CCSER1: variants seen among roughly 807,000 people sequenced by gnomAD.
CCSER1 encodes serine-rich coiled-coil domain-containing protein 1.
Under a neutral mutation model 82.0 loss-of-function variants are expected in CCSER1, and 41 were observed. That is an observed-to-expected ratio of 0.50 (90% CI 0.39 to 0.65). The LOEUF is 0.65. CCSER1 is among the 30% of genes least tolerant of loss of function. The probability of loss-of-function intolerance (pLI) is 0.00; values close to 1 mark genes in which losing one functional copy is unlikely to be tolerated. For missense variants in CCSER1, 1,119 were observed against 1,064.2 expected (o/e 1.05, Z -0.72); for synonymous variants, 414 against 383.9 (o/e 1.08, Z -0.92).
intron 4 of CCSER1, among the ~76,000 whole-genome samples, chr4:90,432,554 T>TCTTC (rs139113507): frequency 5.3e-5 from 8 of 151,488 alleles, no homozygotes; most frequent in Non-Finnish European, 8.8e-5. Flanking sequence ...CTCCCTCCCT[T>TCTTC]CTTCCTTCCT....
intron 5 of CCSER1, among the ~76,000 whole-genome samples, chr4:90,536,010 T>G (rs1775283704): frequency 6.6e-6 from 1 of 151,132 alleles, no homozygotes; most frequent in African/African-American, 2.4e-5. Flanking sequence ...TTGACACTAA[T>G]ATTTCTTTTT....
chr4:91,095,341 A>G (rs996458569), intron 10 of CCSER1, among the ~76,000 whole-genome samples: 8 of 152,026 alleles, frequency 5.3e-5, no homozygotes, highest in African/African-American at 1.9e-4. Flanking sequence ...TGCACATGTG[A>G]GTGATTGGAC....
chr4:91,433,446 C>T (rs1431999140), intron 10 of CCSER1, among the ~76,000 whole-genome samples: 1 of 152,150 alleles, frequency 6.6e-6, no homozygotes, highest in African/African-American at 2.4e-5. Context: ...TTCACTGACT[C>T]GCCCAAGGCA....
intron 1 of CCSER1, among the ~76,000 whole-genome samples, chr4:90,281,327 G>A (rs573929513): frequency 6.6e-6 from 1 of 152,030 alleles, no homozygotes; most frequent in African/African-American, 2.4e-5. Flanking sequence ...TTTTCGTAGG[G>A]ACAGGGTTTT....
At chr4:91,094,937 C>T (rs1167739471) in intron 10 of CCSER1, among the ~76,000 whole-genome samples, 2 of 152,130 alleles carry the variant, frequency 1.3e-5, no homozygotes, top group Non-Finnish European at 2.9e-5. Context: ...AAGGGGCAAT[C>T]AGGTATATAC....
At chr4:91,399,455 A>T (rs906380360) in intron 10 of CCSER1, among the ~76,000 whole-genome samples, 1 of 152,018 alleles carries the variant, frequency 6.6e-6, no homozygotes, top group Non-Finnish European at 1.5e-5. Context: ...CCTATAAAAC[A>T]CTTCAATTTT....
intron 7 of CCSER1, chr4:90,781,183 A>G: frequency 8.6e-6 from 7 of 810,104 alleles, no homozygotes; most frequent in Non-Finnish European, 1.0e-5. Context: ...AGCACTGGGG[A>G]TCACAACTCG....
chr4:90,319,562 G>C (rs577353072), intron 3 of CCSER1, among the ~76,000 whole-genome samples: 1 of 152,222 alleles, frequency 6.6e-6, no homozygotes, highest in South Asian at 2.1e-4. Context: ...GAGGCAAGGA[G>C]AATCCCTTGA....
intron 6 of CCSER1, among the ~76,000 whole-genome samples, chr4:90,697,261 C>T (rs1334232527): frequency 6.6e-6 from 1 of 152,110 alleles, no homozygotes; most frequent in Non-Finnish European, 1.5e-5. Context: ...TTTAATAGAG[C>T]ACGTCAGATT....
intron 4 of CCSER1, among the ~76,000 whole-genome samples, chr4:90,456,242 C>G (rs1218899020): frequency 1.3e-5 from 2 of 152,188 alleles, no homozygotes; most frequent in Admixed American, 6.5e-5. Context: ...AGAAAACTCT[C>G]AATTGTTACA....
intron 8 of CCSER1, among the ~76,000 whole-genome samples, chr4:90,913,215 A>G (rs1202413849): frequency 6.6e-6 from 1 of 152,132 alleles, no homozygotes; most frequent in Admixed American, 6.6e-5. Flanking sequence ...GAAGGAAAAA[A>G]TGTTGATGTT....
chr4:90,399,519 T>C (rs559949828), intron 3 of CCSER1, among the ~76,000 whole-genome samples: 2 of 152,228 alleles, frequency 1.3e-5, no homozygotes, highest in South Asian at 4.1e-4. Flanking sequence ...AAACAATTCA[T>C]TAAATGTGTT....
intron 9 of CCSER1, among the ~76,000 whole-genome samples, chr4:90,996,127 A>G (rs1051004179): frequency 6.6e-5 from 10 of 152,146 alleles, no homozygotes; most frequent in Non-Finnish European, 1.3e-4. Context: ...TTTCATCTGT[A>G]TATACTGTTT....
intron 9 of CCSER1, among the ~76,000 whole-genome samples, chr4:90,957,557 T>TAATATTATATAATTATATTATATA (rs58731204): frequency 1.2e-3 from 155 of 131,866 alleles, no homozygotes; most frequent in African/African-American, 2.4e-3. Flanking sequence ...TTATATTATA[T>TAATATTATATAATTATATTATATA]ATATTATATA....
intron 10 of CCSER1, among the ~76,000 whole-genome samples, chr4:91,204,439 G>A (rs145927064): frequency 1.3e-4 from 20 of 151,868 alleles, no homozygotes; most frequent in African/African-American, 4.8e-4. Context: ...TCATTTTGAT[G>A]TGCTACTTTG....
intron 3 of CCSER1, among the ~76,000 whole-genome samples, chr4:90,324,874 C>G (rs567486208): frequency 2.0e-5 from 3 of 152,270 alleles, no homozygotes; most frequent in Non-Finnish European, 2.9e-5. Flanking sequence ...GATCCAGTTT[C>G]AGCTTTCTAC....
At chr4:91,297,084 A>G (rs1320605383) in intron 10 of CCSER1, among the ~76,000 whole-genome samples, 4 of 151,740 alleles carry the variant, frequency 2.6e-5, no homozygotes, top group Admixed American at 6.6e-5. Context: ...AAAGAATGTA[A>G]AGGAATGTTC....
At chr4:90,945,372 T>C (rs1732112434) in intron 9 of CCSER1, among the ~76,000 whole-genome samples, 1 of 152,208 alleles carries the variant, frequency 6.6e-6, no homozygotes, top group Non-Finnish European at 1.5e-5. Context: ...GTTCCTTCTT[T>C]ATTATGTCTT....
intron 5 of CCSER1, among the ~76,000 whole-genome samples, chr4:90,573,636 T>A (rs1370082196): frequency 6.6e-6 from 1 of 152,220 alleles, no homozygotes; most frequent in Non-Finnish European, 1.5e-5. Flanking sequence ...GTAGTTTTCT[T>A]GGGTGTATAG....
Sources: gnomAD v4.1 joint callset for allele counts (sites outside exome capture counted in the v4.1 genomes callset) on GRCh38, gnomAD v4.1.1 for gene constraint, MANE v1.5 for transcripts, NCBI Gene and HGNC (gene_info 2026-07-23, HGNC 2026-07-21) for gene names.